GPRIN2: variants seen among roughly 807,000 people sequenced by gnomAD.
The protein encoded by GPRIN2 is G protein-regulated inducer of neurite outgrowth 2.
Under a neutral mutation model 0.3 loss-of-function variants are expected in GPRIN2, and 1 was observed. The ratio of observed to expected loss-of-function variants is 3.90; its 90% CI spans 1.39 to 18.51. The LOEUF is 18.51. Among genes scored for constraint, GPRIN2 ranks in the 30% most tolerant of loss-of-function variants. The pLI, the probability that GPRIN2 is intolerant of heterozygous loss-of-function variation, is 0.11. For missense variants in GPRIN2, 880 were observed against 604.2 expected, an observed-to-expected ratio of 1.46 and a Z score of -4.79; for synonymous variants, 361 against 258.6, an observed-to-expected ratio of 1.40 and a Z score of -3.80.
In GPRIN2 at chr10:46,545,611, C is replaced by T. The variant is rs1031882544; in HGVS notation, c.*3749G>A. 5.3e-5 allele frequency among the ~76,000 whole-genome samples: 8 copies of T among 152,300 alleles called. No individual in the cohort carries two copies. The highest frequency in any genetic ancestry group is 1.0e-4 in the Non-Finnish European group (7 of 68,050). On this transcript the variant is annotated 3_prime_UTR_variant, in exon 3 of 3. Coordinates refer to ENST00000374314, the MANE Select transcript of GPRIN2 (RefSeq NM_001385282.1). The stretch of plus-strand genomic sequence containing the variant: ...AGAGGGCCAAGTCCCAGGCAGGGTG[C>T]AAAGCTGTGGGGCGAGGAACCTGGA...
chr10:46,556,297 G>A (rs1268406482), intron 1 of GPRIN2, among the ~76,000 whole-genome samples: 2 of 152,312 alleles, frequency 1.3e-5, no homozygotes, highest in African/African-American at 2.4e-5. Flanking sequence ...ACGTAGAAGA[G>A]GGGACAGGAC....
In GPRIN2 at chr10:46,542,811, G is replaced by T. The variant is rs1841859407; in HGVS notation, c.*6549C>A. Reference sequence around the variant, plus strand: ...GACAGTGCAGTGTGTCCCCACAGGGGCTCAGGCCACACCCCAACCCAATTA... The same window carrying T: ...GACAGTGCAGTGTGTCCCCACAGGGTCTCAGGCCACACCCCAACCCAATTA... On this transcript the variant is annotated 3_prime_UTR_variant, in exon 3 of 3. Transcript: ENST00000374314. Among the ~76,000 whole-genome samples the T allele has an allele frequency of 6.6e-6, 1 of 152,426 alleles. No individual in the cohort carries two copies. Among genetic ancestry groups the T allele is most frequent in the Admixed American group, 6.5e-5 (1 of 15,314 alleles).
Position 46,550,702 on chromosome 10 carries a change from G to A in GPRIN2, c.35C>T (p.Ala12Val), listed in dbSNP as rs1832271775. 2.6e-6 allele frequency: 4 copies of A among 1,511,586 alleles called. No homozygotes were observed. Among genetic ancestry groups the A allele is most frequent in the East Asian group, 2.3e-5 (1 of 43,220 alleles). The allele number at this position is 1,511,586 out of a possible 1,614,324, so 93.6% of individuals were successfully genotyped here. The change falls in exon 3 of 3, where the codon GCA becomes GTA. Residue 12 changes from alanine (A) to valine (V), a missense_variant. Coordinates refer to ENST00000374314, the MANE Select transcript of GPRIN2 (RefSeq NM_001385282.1). The stretch of plus-strand genomic sequence containing the variant: ...GGGCTGAAGGCGGGGGCTCAGGGGT[G>A]CCCAGGGACCCGGCTCGGGGCGGCT... ...SSSRPEPGPW[A>V]PLSPRLQPLS...
chr10:46,546,036 G>A lies in GPRIN2; in HGVS notation c.*3324C>T, dbSNP rs1016389803. Among the ~76,000 whole-genome samples the A allele has an allele frequency of 6.6e-6, 1 of 152,308 alleles. No individual in the cohort carries two copies. The highest frequency in any genetic ancestry group is 1.5e-5 in the Non-Finnish European group (1 of 68,054). ...ACCCCTTCAGCCCTTGTAAAGTTAG[G>A]ATCTAGCATGTCTAAGGGGACAGAG... On this transcript the variant is annotated 3_prime_UTR_variant, in exon 3 of 3. Transcript: ENST00000374314.
Position 46,546,105 on chromosome 10 carries a change from G to T in GPRIN2, c.*3255C>A, listed in dbSNP as rs1448480147. On this transcript the variant is annotated 3_prime_UTR_variant, in exon 3 of 3. Coordinates refer to ENST00000374314, the MANE Select transcript of GPRIN2 (RefSeq NM_001385282.1). ...AGGAGGTAAGATCACAGTGGAACAG[G>T]CCATCCCTGCTTTTCCACCACCACC... 2.0e-5 allele frequency among the ~76,000 whole-genome samples: 3 copies of T among 152,310 alleles called. No homozygotes were observed. Among genetic ancestry groups the T allele is most frequent in the African/African-American group, 7.2e-5 (3 of 41,488 alleles).
rs1841833507 is a variant in GPRIN2, at chr10:46,542,452, T to C, written c.*6908A>G. Among the ~76,000 whole-genome samples the C allele has an allele frequency of 6.6e-6, 1 of 152,312 alleles. No individual in the cohort carries two copies. The highest frequency in any genetic ancestry group is 2.1e-4 in the South Asian group (1 of 4,838). On this transcript the variant is annotated 3_prime_UTR_variant, in exon 3 of 3. Transcript: ENST00000374314. ...TGTGATAGTAAGTTCTCACGAGATC[T>C]GATGGTTTTATAAGTGTTTGGTAGT...
In GPRIN2 at chr10:46,546,758, A is replaced by G. The variant is rs1842196441; in HGVS notation, c.*2602T>C. Among the ~76,000 whole-genome samples the G allele has an allele frequency of 6.6e-6, 1 of 152,312 alleles. No individual in the cohort carries two copies. The highest frequency in any genetic ancestry group is 6.5e-5 in the Admixed American group (1 of 15,294). On this transcript the variant is annotated 3_prime_UTR_variant, in exon 3 of 3. Coordinates refer to ENST00000374314, the MANE Select transcript of GPRIN2 (RefSeq NM_001385282.1). ...AAATGAGGCTGCAGTCACTTCAGGT[A>G]GACCTGTCAGCAGCAGCTGTGCAAC...
At position 46,549,551 on chromosome 10, in the gene GPRIN2, C is replaced by T; in HGVS notation, c.1186G>A (p.Ala396Thr). 1.9e-6 allele frequency: 3 copies of T among 1,614,018 alleles called. No individual in the cohort carries two copies. Among genetic ancestry groups the T allele is most frequent in the Non-Finnish European group, 1.7e-6 (2 of 1,179,870 alleles). ...AEGMTWEVYG[A>T]AVDLEVLGVA... ...CCGAGCACCTCCAGGTCCACCGCAG[C>T]TCCGTACACCTCCCATGTCATGCCC... Residue 396 changes from alanine (A) to threonine (T), a missense_variant, in exon 3 of 3, where the codon GCT becomes ACT. Ala to Thr is a moderately conservative substitution (Grantham distance 58, BLOSUM62 0). Transcript: ENST00000374314.
intron 2 of GPRIN2, among the ~76,000 whole-genome samples, chr10:46,553,699 T>C (rs1367528823): frequency 6.6e-6 from 1 of 152,310 alleles, no homozygotes; most frequent in Non-Finnish European, 1.5e-5. Flanking sequence ...ATGTATCTAT[T>C]GGTTCCCTTC....
chr10:46,542,274 T>C lies in GPRIN2; in HGVS notation c.*7086A>G, dbSNP rs1841820390. Reference sequence around the variant, plus strand: ...CCAGCCCCAACAGAGGCTCCCTGCTTGGGCCTTGCTCAGGCCTGGGAGGGT... The same window carrying C: ...CCAGCCCCAACAGAGGCTCCCTGCTCGGGCCTTGCTCAGGCCTGGGAGGGT... On this transcript the variant is annotated 3_prime_UTR_variant, in exon 3 of 3. Coordinates refer to ENST00000374314, the MANE Select transcript of GPRIN2 (RefSeq NM_001385282.1). Among the ~76,000 whole-genome samples, 1 of 152,312 alleles carries C rather than the reference T, an allele frequency of 6.6e-6. No homozygotes were observed. Among genetic ancestry groups the C allele is most frequent in the Non-Finnish European group, 1.5e-5 (1 of 68,058 alleles).
chr10:46,553,623 C>A (rs1842851526), intron 2 of GPRIN2, among the ~76,000 whole-genome samples: 6 of 152,306 alleles, frequency 3.9e-5, no homozygotes, highest in Admixed American at 3.9e-4. Context: ...TCCCACTGTG[C>A]CTGTCTCACC....
intron 2 of GPRIN2, among the ~76,000 whole-genome samples, chr10:46,553,186 C>G (rs1002081987): frequency 3.9e-5 from 6 of 152,308 alleles, no homozygotes; most frequent in Non-Finnish European, 7.3e-5. Context: ...AGCTCCTCTC[C>G]CCTTCGAGCA....
chr10:46,551,811 C>T (rs1048855058), intron 2 of GPRIN2, among the ~76,000 whole-genome samples: 6 of 152,304 alleles, frequency 3.9e-5, no homozygotes, highest in African/African-American at 1.2e-4. Context: ...GCCCCTTTCC[C>T]GACCCTCCAG....
rs1230426390 is a variant in GPRIN2, at chr10:46,547,493, C to T, written c.*1867G>A. ...CTGCAGAAACTCATTATGGCCCAGG[C>T]AGGACAGGCACATCCAAGTATCTGA... On this transcript the variant is annotated 3_prime_UTR_variant, in exon 3 of 3. Transcript: ENST00000374314. Among the ~76,000 whole-genome samples the T allele has an allele frequency of 1.5e-3, 235 of 152,286 alleles. No individual in the cohort carries two copies. Among genetic ancestry groups the T allele is most frequent in the African/African-American group, 5.3e-3 (220 of 41,476 alleles).
intron 2 of GPRIN2, among the ~76,000 whole-genome samples, chr10:46,552,254 G>C (rs1842697615): frequency 6.6e-6 from 1 of 152,312 alleles, no homozygotes; most frequent in Non-Finnish European, 1.5e-5. Flanking sequence ...GGGAGCAGTG[G>C]GGTCAAAGTG....
chr10:46,557,169 GT>G (rs1831749103), upstream of GPRIN2, among the ~76,000 whole-genome samples: 1 of 146 alleles, frequency 6.8e-3, no homozygotes, highest in African/African-American at 0.031. Flanking sequence ...ACGAGACCCC[GT>G]TTCCTATAGG....
rs1252832054 is a variant in GPRIN2 at position 46,545,997 on chromosome 10, C to T, written c.*3363G>A. Among the ~76,000 whole-genome samples the T allele has an allele frequency of 6.6e-6, 1 of 152,304 alleles. No individual in the cohort carries two copies. The highest frequency in any genetic ancestry group is 2.4e-5 in the African/African-American group (1 of 41,488). On this transcript the variant is annotated 3_prime_UTR_variant, in exon 3 of 3. Transcript: ENST00000374314. The stretch of plus-strand genomic sequence containing the variant: ...CCAACCCCAGCCCAAAGTGTTGGGA[C>T]CTGCGTGTAGAAGACCCCTTCAGCC...
At chr10:46,556,938 C>G (rs1399465194), upstream of GPRIN2, among the ~76,000 whole-genome samples, 6 of 152,410 alleles carry the variant, frequency 3.9e-5, no homozygotes, top group Non-Finnish European at 8.8e-5. Context: ...CCCACCGTCC[C>G]GGGTGTATAG....
chr10:46,549,523 A>G lies in GPRIN2; in HGVS notation c.1214T>C (p.Val405Ala). 6.2e-7 allele frequency: 1 copy of G among 1,612,986 alleles called. No homozygotes were observed. Among genetic ancestry groups the G allele is most frequent in the African/African-American group, 1.3e-5 (1 of 75,060 alleles). Residue 405 changes from valine to alanine, a missense_variant, in exon 3 of 3, where the codon GTG (valine) becomes GCG (alanine). Transcript: ENST00000374314. Reference protein sequence around the residue: ...GAAVDLEVLGVAIQKHLEMQF... With the variant: ...GAAVDLEVLGAAIQKHLEMQF... ...CATCTCCAGGTGCTTCTGGATGGCC[A>G]CACCGAGCACCTCCAGGTCCACCGC...
Sources: gnomAD v4.1 joint callset for allele counts (sites outside exome capture counted in the v4.1 genomes callset) on GRCh38, gnomAD v4.1.1 for gene constraint, MANE v1.5 for transcripts, NCBI Gene and HGNC (gene_info 2026-07-23, HGNC 2026-07-21) for gene names.